ARNT2: variants seen among roughly 807,000 people sequenced by gnomAD.
The protein encoded by ARNT2 is aryl hydrocarbon receptor nuclear translocator 2.
Under a neutral mutation model 91.7 loss-of-function variants are expected in ARNT2, and 36 were observed. That is an observed-to-expected ratio of 0.39 (90% CI 0.30 to 0.52). The LOEUF (loss-of-function observed/expected upper bound fraction) is 0.52. Among genes scored for constraint, ARNT2 ranks in the 20% least tolerant of loss-of-function variants. ARNT2 has a pLI of 0.72. For synonymous variants in ARNT2, 365 were observed against 347.1 expected, an observed-to-expected ratio of 1.05 and a Z score of -0.57; for missense variants, 775 against 939.3, an observed-to-expected ratio of 0.83 and a Z score of 2.29.
chr15:80,588,263 T>C (rs572622404), intron 17 of ARNT2, among the ~76,000 whole-genome samples: 1 of 152,248 alleles, frequency 6.6e-6, no homozygotes, highest in East Asian at 1.9e-4. Flanking sequence ...CACCTCCTTC[T>C]CCATCACATC....
chr15:80,503,078 G>C (rs7175825), intron 5 of ARNT2, among the ~76,000 whole-genome samples: 54,543 of 152,038 alleles, frequency 0.36, 10,314 homozygotes, highest in African/African-American at 0.38. Flanking sequence ...CAGGCCCATG[G>C]CTCTAAGCAG....
chr15:80,568,236 C>T (rs959350276), intron 12 of ARNT2, among the ~76,000 whole-genome samples: 4 of 152,128 alleles, frequency 2.6e-5, no homozygotes, highest in Admixed American at 6.5e-5. Flanking sequence ...GGCCAAGACT[C>T]ATTTGGGGCT....
At position 80,547,314 on chromosome 15, in the gene ARNT2, A is replaced by G. The variant is rs550838843; in HGVS notation, c.878-3885A>G. Among the ~76,000 whole-genome samples the G allele has an allele frequency of 3.3e-5, 5 of 152,350 alleles. No homozygotes were observed. In the South Asian group the frequency reaches 1.0e-3, roughly 32 times the overall value. On this transcript the variant is annotated intron_variant, in intron 8 of 18. Coordinates refer to ENST00000303329, the MANE Select transcript of ARNT2 (RefSeq NM_014862.4). ...TGTCCTGGTGGTCATTGTATTCTTT[A>G]TCACTACACACTTGCAATTAAAAAA...
At chr15:80,525,567 G>C (rs569437597) in intron 8 of ARNT2, among the ~76,000 whole-genome samples, 22 of 151,994 alleles carry the variant, frequency 1.4e-4, no homozygotes, top group Non-Finnish European at 3.2e-4. Context: ...GGGAGGGAGG[G>C]GGGTAAAAGG....
chr15:80,419,601 A>T (rs1257552155), intron 1 of ARNT2, among the ~76,000 whole-genome samples: 3 of 152,194 alleles, frequency 2.0e-5, no homozygotes, highest in Non-Finnish European at 4.4e-5. Context: ...AGAGGGTAGG[A>T]AGAGGAATCA....
chr15:80,570,567 C>T (rs2141473724), intron 12 of ARNT2, among the ~76,000 whole-genome samples: 1 of 152,204 alleles, frequency 6.6e-6, no homozygotes, highest in Admixed American at 6.5e-5. Flanking sequence ...AAAATTATTT[C>T]TAGTGCTCCC....
chr15:80,586,935 C>T (rs1304995154), intron 17 of ARNT2, among the ~76,000 whole-genome samples: 1 of 152,008 alleles, frequency 6.6e-6, no homozygotes. Flanking sequence ...AGACTAAGCA[C>T]AGGCAGGGAG....
chr15:80,500,644 C>A (rs1205979019), intron 5 of ARNT2, among the ~76,000 whole-genome samples: 1 of 152,128 alleles, frequency 6.6e-6, no homozygotes, highest in Non-Finnish European at 1.5e-5. Context: ...CAGAAGGGCC[C>A]TCTGCCCATC....
At chr15:80,530,544 T>C (rs1897722293) in intron 8 of ARNT2, among the ~76,000 whole-genome samples, 2 of 152,148 alleles carry the variant, frequency 1.3e-5, no homozygotes, top group Non-Finnish European at 2.9e-5. Flanking sequence ...GCCTGAACCA[T>C]ATATTTCAAA....
chr15:80,409,880 G>T (rs986221853), intron 1 of ARNT2, among the ~76,000 whole-genome samples: 1 of 152,160 alleles, frequency 6.6e-6, no homozygotes, highest in Non-Finnish European at 1.5e-5. Context: ...CCCCTTCAAA[G>T]GCCCTGAGTT....
intron 3 of ARNT2, among the ~76,000 whole-genome samples, chr15:80,462,308 A>G (rs1406682456): frequency 6.6e-6 from 1 of 152,218 alleles, no homozygotes; most frequent in Non-Finnish European, 1.5e-5. Context: ...CATAAGGGGC[A>G]TTACTAACAT....
At chr15:80,593,145 T>C (rs889852441) in intron 18 of ARNT2, among the ~76,000 whole-genome samples, 2 of 152,208 alleles carry the variant, frequency 1.3e-5, no homozygotes, top group Non-Finnish European at 1.5e-5. Context: ...AATCTAACCA[T>C]TCAGGGATTC....
chr15:80,532,935 G>C (rs1365116511), intron 8 of ARNT2, among the ~76,000 whole-genome samples: 2 of 152,234 alleles, frequency 1.3e-5, no homozygotes, highest in Non-Finnish European at 2.9e-5. Flanking sequence ...ACAGTGGTCA[G>C]GGAGAAGCAG....
chr15:80,473,833 C>T (rs1324157941), intron 4 of ARNT2, among the ~76,000 whole-genome samples: 1 of 152,188 alleles, frequency 6.6e-6, no homozygotes, highest in African/African-American at 2.4e-5. Context: ...GGGCGCCAGA[C>T]TCTCCACCTT....
At chr15:80,563,453 G>A (rs1041930359) in intron 12 of ARNT2, among the ~76,000 whole-genome samples, 34 of 152,192 alleles carry the variant, frequency 2.2e-4, no homozygotes, top group African/African-American at 7.2e-4. Context: ...AGAAACAAAA[G>A]AATGAGTGAT....
chr15:80,527,502 G>A (rs1436239743), intron 8 of ARNT2, among the ~76,000 whole-genome samples: 1 of 152,200 alleles, frequency 6.6e-6, no homozygotes, highest in Non-Finnish European at 1.5e-5. Context: ...TTGAAAAAAT[G>A]CATTACAAGC....
intron 5 of ARNT2, among the ~76,000 whole-genome samples, chr15:80,501,527 A>G (rs967334776): frequency 1.3e-5 from 2 of 152,222 alleles, no homozygotes; most frequent in Non-Finnish European, 2.9e-5. Context: ...AAAATTAAGG[A>G]GAAAAACAAG....
chr15:80,591,373 C>T lies in ARNT2; in HGVS notation c.1919-195C>T, dbSNP rs1289571773. On this transcript the variant is annotated intron_variant, in intron 17 of 18. Transcript: ENST00000303329. This position sits in a 1 kb window ranked among gnomAD's most constrained non-coding sequence, Gnocchi z 5.1. Reference sequence around the variant, plus strand: ...AGTACCTGCACCATTGGGCAAAGGGCTCCTGTGTCTCTTATCCACTCCATT... The same window carrying T: ...AGTACCTGCACCATTGGGCAAAGGGTTCCTGTGTCTCTTATCCACTCCATT... Among the ~76,000 whole-genome samples, 3 of 152,196 alleles carry T rather than the reference C, an allele frequency of 2.0e-5. No homozygotes were observed. Among genetic ancestry groups the T allele is most frequent in the Admixed American group, 2.0e-4 (3 of 15,280 alleles).
At chr15:80,495,258 C>G (rs1388935005) in intron 5 of ARNT2, among the ~76,000 whole-genome samples, 1 of 152,196 alleles carries the variant, frequency 6.6e-6, no homozygotes, top group Non-Finnish European at 1.5e-5. Context: ...TGTGGGTCAG[C>G]AGGAGCCCAT....
Sources: gnomAD v4.1 joint callset for allele counts (sites outside exome capture counted in the v4.1 genomes callset) on GRCh38, gnomAD v4.1.1 for gene constraint, Gnocchi (gnomAD v3.1) non-coding constraint, MANE v1.5 for transcripts, NCBI Gene and HGNC (gene_info 2026-07-23, HGNC 2026-07-21) for gene names.